TTC27: variants seen among roughly 807,000 people sequenced by gnomAD.
TTC27 encodes the protein tetratricopeptide repeat domain 27.
TTC27 carries 79 observed loss-of-function variants against 115.9 expected under a neutral mutation model. That is an observed-to-expected ratio of 0.68 (90% CI 0.57 to 0.82). TTC27 has a LOEUF of 0.82. TTC27 is among the 40% of genes least tolerant of loss of function. The pLI is 0.00. For synonymous variants in TTC27, 401 were observed against 356.0 expected (o/e 1.13, Z -1.42); for missense variants, 1,054 against 993.1 (o/e 1.06, Z -0.82).
chr2:32,721,947 G>A (rs1478285041), intron 10 of TTC27, among the ~76,000 whole-genome samples: 2 of 152,112 alleles, frequency 1.3e-5, no homozygotes, highest in Non-Finnish European at 2.9e-5. Context: ...GGTAGGGTGG[G>A]GATGGCTGTC....
chr2:32,812,844 G>T (rs1671362858), intron 18 of TTC27, among the ~76,000 whole-genome samples: 1 of 152,170 alleles, frequency 6.6e-6, no homozygotes, highest in Non-Finnish European at 1.5e-5. Context: ...GTTGGAGTAA[G>T]TAACAGAAAT....
intron 3 of TTC27, among the ~76,000 whole-genome samples, chr2:32,635,990 G>A (rs1209422775): frequency 6.6e-6 from 1 of 152,076 alleles, no homozygotes. Flanking sequence ...CATCCAAAAT[G>A]GGAGTAAAAA....
At chr2:32,669,581 C>T (rs76450144) in intron 7 of TTC27, among the ~76,000 whole-genome samples, 1,910 of 152,056 alleles carry the variant, frequency 0.013, 16 homozygotes, top group Middle Eastern at 0.02. Flanking sequence ...AAAACATATC[C>T]TGATTGGAAA....
Position 32,752,145 on chromosome 2 carries a change from C to T in TTC27, c.1453-6147C>T, listed in dbSNP as rs146364816. On this transcript the variant is annotated intron_variant, in intron 12 of 19. Coordinates refer to ENST00000317907, the MANE Select transcript of TTC27 (RefSeq NM_017735.5). ...TCCCACCCTGGGTTCTAACCACCCC[C>T]GTTAAAATCAGGAAGCCCATTTCAA... is the stretch of plus-strand genomic sequence containing the variant. 5.9e-5 allele frequency among the ~76,000 whole-genome samples: 9 copies of T among 152,274 alleles called. 1 individual carries two copies. Among genetic ancestry groups the T allele is most frequent in the South Asian group, 2.1e-4 (1 of 4,824 alleles).
chr2:32,759,701 A>G (rs1239795556), intron 13 of TTC27, among the ~76,000 whole-genome samples: 1 of 152,200 alleles, frequency 6.6e-6, no homozygotes, highest in Non-Finnish European at 1.5e-5. Context: ...CCAAAACTCT[A>G]TACTCATTAA....
intron 13 of TTC27, among the ~76,000 whole-genome samples, chr2:32,766,984 T>G (rs1196385251): frequency 6.6e-6 from 1 of 152,042 alleles, no homozygotes. Flanking sequence ...CAAAGTTTCA[T>G]TATGTTACTC....
intron 11 of TTC27, among the ~76,000 whole-genome samples, chr2:32,736,378 G>T (rs1032692734): frequency 3.9e-5 from 6 of 152,094 alleles, no homozygotes; most frequent in Admixed American, 1.3e-4. Context: ...GTTAGAGATT[G>T]TTATATACAG....
intron 18 of TTC27, among the ~76,000 whole-genome samples, chr2:32,816,768 A>G (rs971964681): frequency 5.9e-5 from 9 of 152,184 alleles, no homozygotes; most frequent in African/African-American, 2.2e-4. Context: ...AACCCTGATT[A>G]TGAAAATGCA....
At chr2:32,700,714 A>AT in intron 9 of TTC27, among the ~76,000 whole-genome samples, 1 of 151,948 alleles carries the variant, frequency 6.6e-6, no homozygotes, top group South Asian at 2.1e-4. Flanking sequence ...ATTTTTTTGT[A>AT]TTTTTATTAA....
chr2:32,713,171 C>T (rs1447485707), intron 10 of TTC27, among the ~76,000 whole-genome samples: 1 of 152,116 alleles, frequency 6.6e-6, no homozygotes, highest in Non-Finnish European at 1.5e-5. Flanking sequence ...ACTTCCCCGT[C>T]TCCAGAACTA....
At chr2:32,684,031 G>A (rs1012847185) in intron 9 of TTC27, among the ~76,000 whole-genome samples, 4 of 152,006 alleles carry the variant, frequency 2.6e-5, no homozygotes, top group African/African-American at 9.7e-5. Flanking sequence ...GGTGGTGCTC[G>A]CCTATAATCC....
In TTC27 at chr2:32,815,223, A is replaced by ATTTTTTTTTTTTTTTTTTTTTT. The variant is rs533493768; in HGVS notation, c.2309-2224_2309-2203dup. Among the ~76,000 whole-genome samples, 4 of 55,514 alleles carry ATTTTTTTTTTTTTTTTTTTTTT rather than the reference A, an allele frequency of 7.2e-5. 1 individual carries two copies. Among genetic ancestry groups the ATTTTTTTTTTTTTTTTTTTTTT allele is most frequent in the African/African-American group, 3.7e-4 (4 of 10,722 alleles). The allele number at this position is 55,514 out of a possible 152,430, so 36.4% of individuals were successfully genotyped here. A position where few individuals can be genotyped will look rare whatever the true frequency, so the allele number is the denominator to read the frequency against. ...CATAGAGGAGGCACTGCTGCTTCAG[A>ATTTTTTTTTTTTTTTTTTTTTT]TTTTTTTTTTTTTTTTTTTTTTTTT... On this transcript the variant is annotated intron_variant, in intron 18 of 19. Coordinates refer to ENST00000317907, the MANE Select transcript of TTC27 (RefSeq NM_017735.5).
chr2:32,738,031 G>A (rs1349920028), intron 12 of TTC27, among the ~76,000 whole-genome samples: 1 of 152,010 alleles, frequency 6.6e-6, no homozygotes, highest in Admixed American at 6.6e-5. Context: ...AATATTGATA[G>A]AGTTATAATA....
intron 10 of TTC27, among the ~76,000 whole-genome samples, chr2:32,720,997 A>T (rs2151909688): frequency 6.6e-6 from 1 of 152,300 alleles, no homozygotes; most frequent in Non-Finnish European, 1.5e-5. Context: ...AGCTGCCATT[A>T]TGGAGTCATT....
chr2:32,801,790 G>A (rs1299877229), intron 16 of TTC27, among the ~76,000 whole-genome samples: 3 of 152,166 alleles, frequency 2.0e-5, no homozygotes, highest in African/African-American at 7.2e-5. Flanking sequence ...TCCTATGAAA[G>A]TCTTGCCTTT....
intron 9 of TTC27, among the ~76,000 whole-genome samples, chr2:32,694,678 T>C (rs1468175397): frequency 6.6e-6 from 1 of 151,186 alleles, no homozygotes; most frequent in Non-Finnish European, 1.5e-5. Flanking sequence ...CTATTTCTTT[T>C]TTTTTTTTTT....
intron 10 of TTC27, among the ~76,000 whole-genome samples, chr2:32,720,566 A>G (rs1414349834): frequency 6.6e-6 from 1 of 152,206 alleles, no homozygotes; most frequent in Non-Finnish European, 1.5e-5. Context: ...TGAGGTCAAC[A>G]TAGGGTAGTA....
chr2:32,630,450 C>T, intron 1 of TTC27, 73 bp from the exon 2 acceptor site: 1 of 1,202,566 alleles, frequency 8.3e-7, no homozygotes, highest in South Asian at 1.5e-5. Flanking sequence ...GGTAGATTTA[C>T]CTAATAGTGT....
chr2:32,658,296 G>T (rs998829191), intron 5 of TTC27, among the ~76,000 whole-genome samples: 7 of 152,032 alleles, frequency 4.6e-5, no homozygotes, highest in African/African-American at 9.7e-5. Context: ...CTAATTTATT[G>T]TGGAGATGTG....
Sources: allele counts gnomAD v4.1 joint callset (sites outside exome capture counted in the v4.1 genomes callset), GRCh38; gene constraint gnomAD v4.1.1; transcripts MANE v1.5; gene names NCBI Gene and HGNC (gene_info 2026-07-23, HGNC 2026-07-21).